The following CSMD3 variants were observed in gnomAD, a reference collection of about 807,000 sequenced individuals.
CSMD3 encodes the protein CUB and sushi domain-containing protein 3.
Under a neutral mutation model 435.2 loss-of-function variants are expected in CSMD3, and 177 were observed. The ratio of observed to expected loss-of-function variants is 0.41; its 90% CI spans 0.36 to 0.46. CSMD3 has a LOEUF of 0.46. CSMD3 is among the 20% of genes least tolerant of loss of function. The probability of loss-of-function intolerance (pLI) is 0.34; values close to 1 mark genes in which losing one functional copy is unlikely to be tolerated. For missense variants in CSMD3, 4,265 were observed against 4,504.6 expected (o/e 0.95, Z 1.52); for synonymous variants, 1,656 against 1,520.5 (o/e 1.09, Z -2.07).
intron 6 of CSMD3, among the ~76,000 whole-genome samples, chr8:112,984,291 T>C (rs2085166921): frequency 6.6e-6 from 1 of 151,934 alleles, no homozygotes; most frequent in Admixed American, 6.6e-5. Context: ...AGAATATAAG[T>C]AAAAAAGAAC....
At chr8:112,646,114 C>T (rs1370362232) in intron 19 of CSMD3, among the ~76,000 whole-genome samples, 16 of 152,056 alleles carry the variant, frequency 1.1e-4, no homozygotes, top group Non-Finnish European at 2.4e-4. Context: ...TTGTCTCTTC[C>T]AAAAATACCT....
At chr8:112,843,861 TATAAA>T (rs1196227299) in intron 11 of CSMD3, among the ~76,000 whole-genome samples, 1 of 151,938 alleles carries the variant, frequency 6.6e-6, no homozygotes, top group Non-Finnish European at 1.5e-5. Flanking sequence ...CCCACAGAAT[TATAAA>T]ATAATGAATG....
chr8:113,264,702 C>A (rs546500195), intron 3 of CSMD3, among the ~76,000 whole-genome samples: 1 of 150,818 alleles, frequency 6.6e-6, no homozygotes, highest in African/African-American at 2.4e-5. Context: ...TAAATAATTT[C>A]GTCTATTTTT....
intron 12 of CSMD3, among the ~76,000 whole-genome samples, chr8:112,814,082 T>TAATC (rs531461604): frequency 3.1e-4 from 47 of 152,316 alleles, no homozygotes; most frequent in Non-Finnish European, 4.4e-4. Flanking sequence ...ACAGAGTGAT[T>TAATC]GCCTGATGTC....
chr8:112,896,588 GTC>G (rs1456560612), intron 10 of CSMD3, among the ~76,000 whole-genome samples: 2 of 151,148 alleles, frequency 1.3e-5, no homozygotes, highest in Non-Finnish European at 3.0e-5. Flanking sequence ...CTACTATAGA[GTC>G]TCTGAAATTC....
intron 4 of CSMD3, among the ~76,000 whole-genome samples, chr8:113,151,103 T>A (rs2091794945): frequency 6.6e-6 from 1 of 151,924 alleles, no homozygotes; most frequent in African/African-American, 2.4e-5. Flanking sequence ...GTAAAGTAAG[T>A]CAGTTGAAAA....
intron 22 of CSMD3, among the ~76,000 whole-genome samples, chr8:112,589,873 T>G (rs903770024): frequency 6.6e-6 from 1 of 152,134 alleles, no homozygotes; most frequent in Non-Finnish European, 1.5e-5. Context: ...TAGTGACATT[T>G]ATGGAGAGTA....
At chr8:112,256,284 A>C (rs1311228563) in intron 61 of CSMD3, among the ~76,000 whole-genome samples, 1 of 148,482 alleles carries the variant, frequency 6.7e-6, no homozygotes, top group Admixed American at 6.9e-5. Flanking sequence ...GTATGTGAAA[A>C]AGTGGTAAGT....
At chr8:113,241,998 A>G (rs2093224031) in intron 3 of CSMD3, among the ~76,000 whole-genome samples, 1 of 150,966 alleles carries the variant, frequency 6.6e-6, no homozygotes, top group Admixed American at 6.6e-5. Context: ...ATCTATATAC[A>G]TATATACATA....
At chr8:112,406,480 A>C in intron 35 of CSMD3, 44 bp downstream of exon 35, 2 of 1,352,066 alleles carry the variant, frequency 1.5e-6, no homozygotes, top group Non-Finnish European at 2.1e-6. Flanking sequence ...CAATTTTTAT[A>C]TAAACTATGT....
intron 27 of CSMD3, among the ~76,000 whole-genome samples, chr8:112,543,782 A>C (rs1826902656): frequency 6.6e-6 from 1 of 152,188 alleles, no homozygotes; most frequent in South Asian, 2.1e-4. Context: ...AGTATTCCTA[A>C]GTTCATTGCA....
chr8:112,224,732 T>C lies in CSMD3; in HGVS notation c.*39A>G, dbSNP rs2129755543. Reference sequence around the variant, plus strand: ...AACTAAATGTGCACTGTTTTGTGTGTCGATTTCCAAGCTTCTGAAGAAGGC... The same window carrying C: ...AACTAAATGTGCACTGTTTTGTGTGCCGATTTCCAAGCTTCTGAAGAAGGC... On this transcript the variant is annotated 3_prime_UTR_variant, in exon 71 of 71. Transcript: ENST00000297405. 2 of 1,609,996 alleles carry C rather than the reference T, an allele frequency of 1.2e-6. No individual in the cohort carries two copies. The highest frequency in any genetic ancestry group is 1.7e-6 in the Non-Finnish European group (2 of 1,176,218).
chr8:113,218,416 T>G (rs1044059241), intron 3 of CSMD3, among the ~76,000 whole-genome samples: 3 of 150,498 alleles, frequency 2.0e-5, no homozygotes, highest in African/African-American at 7.3e-5. Flanking sequence ...CAATTATTTT[T>G]GTTCAGTTAA....
At chr8:112,375,949 C>T (rs955055585) in intron 38 of CSMD3, among the ~76,000 whole-genome samples, 13 of 151,988 alleles carry the variant, frequency 8.6e-5, no homozygotes, top group African/African-American at 2.2e-4. Flanking sequence ...TATACCAACC[C>T]GACTGAAATA....
At chr8:113,333,969 A>C (rs1033137893) in intron 1 of CSMD3, among the ~76,000 whole-genome samples, 2 of 151,882 alleles carry the variant, frequency 1.3e-5, no homozygotes, top group Non-Finnish European at 2.9e-5. Flanking sequence ...TATAGTTTTC[A>C]GGATAGAAGT....
chr8:112,390,565 C>T lies in CSMD3; in HGVS notation c.5934+99G>A, dbSNP rs548696990. The T allele has an allele frequency of 4.8e-6, 5 of 1,035,508 alleles. No individual in the cohort carries two copies. In the South Asian group the frequency reaches 5.2e-5, roughly 11 times the overall value. The allele number at this position is 1,035,508 out of a possible 1,614,324, so 64.1% of individuals were successfully genotyped here. A position where few individuals can be genotyped will look rare whatever the true frequency, so the allele number is the denominator to read the frequency against. On this transcript the variant is annotated intron_variant, in intron 36 of 70. Transcript: ENST00000297405. ...TTCATTTCAACCATGTCAGTCAAAA[C>T]CACTTGCTAAACTTTTAGAAATAAT...
chr8:112,689,904 TC>T lies in CSMD3; in HGVS notation c.2118del (p.Asn707IlefsTer39). On this transcript the variant is annotated frameshift_variant, in exon 14 of 71. Coordinates refer to ENST00000297405, the MANE Select transcript of CSMD3 (RefSeq NM_198123.2). LOFTEE classifies it high-confidence loss of function. The part of the protein sequence containing the change: ...LIGEKSIVCQ[E>X]NNQWSANIPI... ...GGTATGTTTGCAGACCATTGGTTAT[TC>T]TCTTGACAAACAATGGATTTCTCTC... The T allele has an allele frequency of 6.2e-7, 1 of 1,613,320 alleles. No individual in the cohort carries two copies. Among genetic ancestry groups the T allele is most frequent in the Non-Finnish European group, 8.5e-7 (1 of 1,179,480 alleles).
intron 7 of CSMD3, among the ~76,000 whole-genome samples, chr8:112,959,426 G>T (rs2084148572): frequency 6.6e-6 from 1 of 152,012 alleles, no homozygotes; most frequent in African/African-American, 2.4e-5. Flanking sequence ...GGAAGTGTCA[G>T]TAGCTGTATT....
chr8:113,158,700 AATAC>A (rs1264684224), intron 4 of CSMD3, among the ~76,000 whole-genome samples: 2 of 152,140 alleles, frequency 1.3e-5, no homozygotes, highest in South Asian at 2.1e-4. Context: ...ACATGATCAG[AATAC>A]ATTTTGTATT....
Sources: gnomAD v4.1 joint callset for allele counts (sites outside exome capture counted in the v4.1 genomes callset) on GRCh38, gnomAD v4.1.1 for gene constraint, MANE v1.5 for transcripts, NCBI Gene and HGNC (gene_info 2026-07-23, HGNC 2026-07-21) for gene names.